SCAPER: variants seen among roughly 807,000 people sequenced by gnomAD.
SCAPER encodes S-phase cyclin A associated protein in the ER.
SCAPER carries 98 observed loss-of-function variants against 182.2 expected under a neutral mutation model. The ratio of observed to expected loss-of-function variants is 0.54; its 90% confidence interval spans 0.46 to 0.64. The LOEUF (loss-of-function observed/expected upper bound fraction) is 0.64. Ranked by LOEUF, SCAPER falls within the 30% of genes least tolerant of loss-of-function variation. The pLI, the probability that SCAPER is intolerant of heterozygous loss-of-function variation, is 0.00. For missense variants in SCAPER, 1,432 were observed against 1,690.0 expected (o/e 0.85, Z 2.68); for synonymous variants, 605 against 564.6 (o/e 1.07, Z -1.01).
intron 22 of SCAPER, among the ~76,000 whole-genome samples, chr15:76,610,405 C>A (rs2050869874): frequency 6.6e-6 from 1 of 152,208 alleles, no homozygotes; most frequent in Non-Finnish European, 1.5e-5. Context: ...ACTATCACCA[C>A]TGCTATTGAG....
Position 76,861,447 on chromosome 15 carries a change from T to C in SCAPER, c.124+969A>G, listed in dbSNP as rs2071856514. Reference sequence around the variant, plus strand: ...CTACCTGAATCTAGTCATGAAAAGATACCAGACAAACCTAACTGTGAGGAA... The same window carrying C: ...CTACCTGAATCTAGTCATGAAAAGACACCAGACAAACCTAACTGTGAGGAA... On this transcript the variant is annotated intron_variant, in intron 3 of 31. Coordinates refer to ENST00000563290, the MANE Select transcript of SCAPER (RefSeq NM_020843.4). Among the ~76,000 whole-genome samples the C allele has an allele frequency of 2.0e-5, 3 of 152,184 alleles. 1 individual carries two copies. Among genetic ancestry groups the C allele is most frequent in the South Asian group, 4.1e-4 (2 of 4,830 alleles).
At chr15:76,728,805 T>C (rs1289749294) in intron 16 of SCAPER, 68 bp from the exon 17 acceptor site, 3 of 1,483,414 alleles carry the variant, frequency 2.0e-6, no homozygotes, top group African/African-American at 1.4e-5. Flanking sequence ...CAAAGTAATA[T>C]ACCTTTCACC....
At chr15:76,900,412 C>A (rs1164191703) in intron 1 of SCAPER, among the ~76,000 whole-genome samples, 1 of 145,086 alleles carries the variant, frequency 6.9e-6, no homozygotes, top group African/African-American at 2.6e-5. Flanking sequence ...ATGGATATGG[C>A]AAAATATTGA....
At chr15:76,471,485 C>A in intron 24 of SCAPER, 150 bp from the exon 25 acceptor site, 1 of 806,452 alleles carries the variant, frequency 1.2e-6, no homozygotes. Flanking sequence ...GTACAAGGCC[C>A]ATCAGCTAGA....
At chr15:76,506,497 TA>T (rs753888747) in intron 23 of SCAPER, among the ~76,000 whole-genome samples, 6 of 152,108 alleles carry the variant, frequency 3.9e-5, no homozygotes, top group South Asian at 4.1e-4. Context: ...CCTTGAAAGA[TA>T]AAAGGTTCTC....
intron 26 of SCAPER, among the ~76,000 whole-genome samples, chr15:76,425,732 C>T (rs572508240): frequency 6.6e-6 from 1 of 152,166 alleles, no homozygotes; most frequent in South Asian, 2.1e-4. Flanking sequence ...CTGTTTTTTT[C>T]CCATCTTTGT....
chr15:76,795,588 A>G, intron 7 of SCAPER, 148 bp from the exon 8 acceptor site: 1 of 514,678 alleles, frequency 1.9e-6, no homozygotes, highest in Non-Finnish European at 3.1e-6. Context: ...AGGTAACTAT[A>G]TTTATAAATT....
chr15:76,503,562 TA>T (rs1336064469), intron 24 of SCAPER, among the ~76,000 whole-genome samples: 1 of 152,188 alleles, frequency 6.6e-6, no homozygotes, highest in East Asian at 1.9e-4. Context: ...TACATTATAA[TA>T]TACAAATATA....
At chr15:76,505,043 T>C (rs2041456833) in intron 23 of SCAPER, 69 bp from the exon 24 acceptor site, 1 of 1,085,110 alleles carries the variant, frequency 9.2e-7, no homozygotes, top group East Asian at 2.5e-5. Context: ...ATGATATCTG[T>C]AGTCTGAAAC....
chr15:76,639,214 G>A (rs1045865665), intron 21 of SCAPER, among the ~76,000 whole-genome samples: 1 of 152,146 alleles, frequency 6.6e-6, no homozygotes, highest in African/African-American at 2.4e-5. Flanking sequence ...AGTTCAGAAG[G>A]AACTGTGTTA....
At chr15:76,552,518 C>A (rs1449756638) in intron 23 of SCAPER, among the ~76,000 whole-genome samples, 1 of 152,116 alleles carries the variant, frequency 6.6e-6, no homozygotes, top group Non-Finnish European at 1.5e-5. Context: ...TGGACCCCAA[C>A]TGACTCCTGG....
At chr15:76,808,659 A>G (rs1198949083) in intron 5 of SCAPER, among the ~76,000 whole-genome samples, 3 of 152,218 alleles carry the variant, frequency 2.0e-5, no homozygotes, top group Non-Finnish European at 4.4e-5. Flanking sequence ...GCAGGAAATT[A>G]GCAGTCTTCT....
chr15:76,622,889 T>C (rs1354831212), intron 21 of SCAPER, among the ~76,000 whole-genome samples: 1 of 152,190 alleles, frequency 6.6e-6, no homozygotes, highest in Non-Finnish European at 1.5e-5. Flanking sequence ...TCGGGCCCAA[T>C]GAAAGGTGGC....
intron 5 of SCAPER, among the ~76,000 whole-genome samples, chr15:76,817,153 C>T (rs560546371): frequency 1.3e-5 from 2 of 152,320 alleles, no homozygotes; most frequent in African/African-American, 2.4e-5. Flanking sequence ...CCATTATAAT[C>T]TTATGAACCA....
At chr15:76,819,107 G>A (rs1217881972) in intron 5 of SCAPER, among the ~76,000 whole-genome samples, 1 of 152,224 alleles carries the variant, frequency 6.6e-6, no homozygotes, top group East Asian at 1.9e-4. Flanking sequence ...ACTGGGTGGA[G>A]CCCACCACTG....
chr15:76,634,433 C>T (rs765770507), intron 21 of SCAPER, among the ~76,000 whole-genome samples: 5 of 152,116 alleles, frequency 3.3e-5, no homozygotes, highest in Non-Finnish European at 5.9e-5. Flanking sequence ...ATCTTGGCTG[C>T]CCCCTTCTAT....
At chr15:76,676,357 C>T (rs548169584) in intron 20 of SCAPER, among the ~76,000 whole-genome samples, 1 of 152,244 alleles carries the variant, frequency 6.6e-6, no homozygotes, top group Admixed American at 6.5e-5. Flanking sequence ...TCTATAGCTC[C>T]AGCCATCAAA....
chr15:76,453,972 C>T (rs2048549480), intron 25 of SCAPER, among the ~76,000 whole-genome samples: 1 of 152,152 alleles, frequency 6.6e-6, no homozygotes, highest in African/African-American at 2.4e-5. Context: ...ACAGTAAGTA[C>T]ATTCTTTCCT....
At chr15:76,874,543 C>G (rs1423234243) in intron 2 of SCAPER, among the ~76,000 whole-genome samples, 1 of 151,518 alleles carries the variant, frequency 6.6e-6, no homozygotes, top group East Asian at 1.9e-4. Flanking sequence ...TATTCCTTGG[C>G]AAGAGGGATC....
Sources: gnomAD v4.1 joint callset for allele counts (sites outside exome capture counted in the v4.1 genomes callset) on GRCh38, gnomAD v4.1.1 for gene constraint, MANE v1.5 for transcripts, NCBI Gene and HGNC (gene_info 2026-07-23, HGNC 2026-07-21) for gene names.